The following ATRNL1 variants were observed in gnomAD, a reference collection of about 807,000 sequenced individuals.
ATRNL1 encodes the protein attractin like 1.
A neutral mutation model predicts 182.7 loss-of-function variants in ATRNL1; 95 were observed. That is an observed-to-expected ratio of 0.52 (90% CI 0.44 to 0.62). The LOEUF (loss-of-function observed/expected upper bound fraction) is 0.62, where lower values mean the gene tolerates loss of function less well. ATRNL1 is among the 20% of genes least tolerant of loss of function. The pLI is 0.00. For synonymous variants in ATRNL1, 576 were observed against 568.3 expected, an observed-to-expected ratio of 1.01 and a Z score of -0.19; for missense variants, 1,471 against 1,679.5, an observed-to-expected ratio of 0.88 and a Z score of 2.17.
chr10:115,744,873 C>G (rs1948245055), intron 27 of ATRNL1, among the ~76,000 whole-genome samples: 1 of 152,040 alleles, frequency 6.6e-6, no homozygotes. Flanking sequence ...AGCTATTTCT[C>G]TAAGAAAAGT....
chr10:115,335,058 A>T (rs1855417471), intron 19 of ATRNL1, among the ~76,000 whole-genome samples: 1 of 152,178 alleles, frequency 6.6e-6, no homozygotes, highest in African/African-American at 2.4e-5. Flanking sequence ...GAGCATTATA[A>T]ATGCTAGCCA....
At chr10:115,777,747 A>G (rs926351155) in intron 27 of ATRNL1, among the ~76,000 whole-genome samples, 1 of 152,202 alleles carries the variant, frequency 6.6e-6, no homozygotes, top group Non-Finnish European at 1.5e-5. Flanking sequence ...CTCACCCACA[A>G]AAGGCTTTCA....
At position 115,906,443 on chromosome 10, in the gene ATRNL1, T is replaced by A. The variant is rs563660189; in HGVS notation, c.4019-38215T>A. On this transcript the variant is annotated intron_variant, in intron 28 of 28. Transcript: ENST00000355044. Reference sequence around the variant, plus strand: ...ATTGAGAAAGTTCAGTAAGAAAATCTTAAAAGGCCCTGGCACAGAGCAGGC... The same window carrying A: ...ATTGAGAAAGTTCAGTAAGAAAATCATAAAAGGCCCTGGCACAGAGCAGGC... 2.6e-5 allele frequency among the ~76,000 whole-genome samples: 4 copies of A among 152,272 alleles called. No individual in the cohort carries two copies. The South Asian group carries it at 6.2e-4, about 24-fold the overall frequency.
intron 27 of ATRNL1, among the ~76,000 whole-genome samples, chr10:115,838,770 T>C (rs186130582): frequency 6.7e-6 from 1 of 149,012 alleles, no homozygotes; most frequent in Admixed American, 7.0e-5. Context: ...GAAAAGGATA[T>C]TCGTTTTAAG....
At chr10:115,650,814 G>GTTTTAT (rs1441329333) in intron 26 of ATRNL1, among the ~76,000 whole-genome samples, 2 of 151,972 alleles carry the variant, frequency 1.3e-5, no homozygotes, top group African/African-American at 4.8e-5. Context: ...TGTTTTTTAT[G>GTTTTAT]TTTTATTTTT....
In ATRNL1 at chr10:115,281,459, G is replaced by C. The variant is rs782435832; in HGVS notation, c.2205G>C (p.Gln735His). The C allele has an allele frequency of 3.7e-6, 6 of 1,613,386 alleles. No individual in the cohort carries two copies. Among genetic ancestry groups the C allele is most frequent in the Non-Finnish European group, 5.1e-6 (6 of 1,179,590 alleles). ...CSLNLNCQWD[Q>H]RQQECQALPA... ...TAAACTTGAATTGCCAGTGGGATCA[G>C]AGACAGCAAGAATGCCAGGCTTTAC... The change falls in exon 14 of 29, where the codon CAG becomes CAC. Residue 735 changes from glutamine to histidine, a missense_variant. Around this residue, in one of 3 missense-constraint regions of ATRNL1, gnomAD observed 1,031 missense variants for 1,156.0 expected, o/e 0.89. Transcript: ENST00000355044.
At chr10:115,249,933 G>T (rs1554905048) in intron 10 of ATRNL1, among the ~76,000 whole-genome samples, 1 of 152,090 alleles carries the variant, frequency 6.6e-6, no homozygotes, top group Non-Finnish European at 1.5e-5. Context: ...TGTAAGAATT[G>T]GTTTAGACTA....
chr10:115,591,908 C>T (rs1371492957), intron 26 of ATRNL1, among the ~76,000 whole-genome samples: 2 of 152,190 alleles, frequency 1.3e-5, no homozygotes, highest in African/African-American at 4.8e-5. Flanking sequence ...ATAGCAAAGA[C>T]ATGGTGTCAA....
At chr10:115,278,024 A>G (rs1388488584) in intron 13 of ATRNL1, among the ~76,000 whole-genome samples, 1 of 152,110 alleles carries the variant, frequency 6.6e-6, no homozygotes, top group Non-Finnish European at 1.5e-5. Flanking sequence ...ATCTTTTTAT[A>G]TTGTATTGGG....
At chr10:115,525,812 A>G (rs1197583939) in intron 25 of ATRNL1, among the ~76,000 whole-genome samples, 1 of 152,092 alleles carries the variant, frequency 6.6e-6, no homozygotes, top group African/African-American at 2.4e-5. Flanking sequence ...CACCAAAACC[A>G]ATGAGTTTTT....
chr10:115,670,774 A>G (rs1349050944), intron 26 of ATRNL1, among the ~76,000 whole-genome samples: 2 of 152,136 alleles, frequency 1.3e-5, no homozygotes, highest in South Asian at 2.1e-4. Context: ...TCAGTGAGGT[A>G]TGGAACACCT....
At chr10:115,452,965 T>A (rs565546559) in intron 21 of ATRNL1, among the ~76,000 whole-genome samples, 2 of 152,264 alleles carry the variant, frequency 1.3e-5, no homozygotes, top group East Asian at 3.9e-4. Flanking sequence ...CTGGTCAGGC[T>A]TATTTCACTT....
intron 5 of ATRNL1, among the ~76,000 whole-genome samples, chr10:115,153,902 G>C (rs576542636): frequency 2.0e-4 from 31 of 151,498 alleles, no homozygotes; most frequent in African/African-American, 7.5e-4. Flanking sequence ...GTGTCCCAGA[G>C]ATTGTGTGTC....
rs1317041089 is a variant in ATRNL1, at chr10:115,568,021, A to C, written c.3795+18485A>C. Among the ~76,000 whole-genome samples, 7 of 151,926 alleles carry C rather than the reference A, an allele frequency of 4.6e-5. No individual in the cohort carries two copies. The East Asian group carries it at 1.3e-3, about 29-fold the overall frequency. On this transcript the variant is annotated intron_variant, in intron 26 of 28. Transcript: ENST00000355044. ...CTAATTATTGTGCTTAGAATTACTT[A>C]TTTTTTCTTAATATAAATGTTTGTT...
At chr10:115,421,172 G>A (rs1845634653) in intron 20 of ATRNL1, among the ~76,000 whole-genome samples, 1 of 151,982 alleles carries the variant, frequency 6.6e-6, no homozygotes, top group Non-Finnish European at 1.5e-5. Context: ...TGAAGTAGAG[G>A]GCATTCTTCC....
chr10:115,385,759 G>A (rs1554952444), intron 19 of ATRNL1, among the ~76,000 whole-genome samples: 1 of 152,028 alleles, frequency 6.6e-6, no homozygotes, highest in African/African-American at 2.4e-5. Flanking sequence ...TTGTGATACT[G>A]GTTCCTTTTT....
At chr10:115,858,972 G>T (rs969053512) in intron 28 of ATRNL1, among the ~76,000 whole-genome samples, 1 of 152,022 alleles carries the variant, frequency 6.6e-6, no homozygotes, top group African/African-American at 2.4e-5. Flanking sequence ...CCAAGATCAA[G>T]ATGCCTGGAC....
chr10:115,393,343 C>T (rs958475227), intron 19 of ATRNL1, among the ~76,000 whole-genome samples: 3 of 152,068 alleles, frequency 2.0e-5, no homozygotes, highest in African/African-American at 7.2e-5. Context: ...ATATGATTAT[C>T]TGGTTACATT....
At chr10:115,563,210 C>T (rs1334331976) in intron 26 of ATRNL1, among the ~76,000 whole-genome samples, 1 of 152,084 alleles carries the variant, frequency 6.6e-6, no homozygotes, top group Non-Finnish European at 1.5e-5. Context: ...CTTTATATTG[C>T]ATAAATTACT....
Sources: gnomAD v4.1 joint callset for allele counts (sites outside exome capture counted in the v4.1 genomes callset) on GRCh38, gnomAD v4.1.1 for gene constraint, gnomAD v4.1.1 regional missense constraint, MANE v1.5 for transcripts, NCBI Gene and HGNC (gene_info 2026-07-23, HGNC 2026-07-21) for gene names.